MELK: variants seen among roughly 807,000 people sequenced by gnomAD.
MELK encodes the protein maternal embryonic leucine zipper kinase, also known as pEg3 kinase.
In MELK, 81 loss-of-function variants were observed where a neutral mutation model predicts 85.0. The ratio of observed to expected loss-of-function variants is 0.95; its 90% CI spans 0.80 to 1.15. The LOEUF is 1.15. MELK is among the 50% of genes most tolerant of loss of function. MELK has a pLI of 0.00. For missense variants in MELK, 754 were observed against 777.5 expected, an observed-to-expected ratio of 0.97 and a Z score of 0.36; for synonymous variants, 252 against 265.0, an observed-to-expected ratio of 0.95 and a Z score of 0.48.
At chr9:36,643,790 C>T (rs1829978604) in intron 11 of MELK, among the ~76,000 whole-genome samples, 3 of 151,892 alleles carry the variant, frequency 2.0e-5, no homozygotes, top group African/African-American at 4.8e-5. Context: ...AAAAATTAGC[C>T]GGGCGTTGTA....
intron 17 of MELK, among the ~76,000 whole-genome samples, chr9:36,675,274 ACT>A (rs372819852): frequency 1.5e-3 from 235 of 152,224 alleles, no homozygotes; most frequent in African/African-American, 5.4e-3. Context: ...ACAGAGCGAG[ACT>A]CTGTCTCAAA....
intron 8 of MELK, among the ~76,000 whole-genome samples, chr9:36,619,841 C>T (rs1362007160): frequency 6.6e-6 from 1 of 152,184 alleles, no homozygotes; most frequent in Non-Finnish European, 1.5e-5. Flanking sequence ...TTGTTTCCCC[C>T]CTCCAAATGG....
intron 12 of MELK, among the ~76,000 whole-genome samples, chr9:36,653,677 C>A (rs1830933789): frequency 6.6e-6 from 1 of 152,098 alleles, no homozygotes; most frequent in Admixed American, 6.6e-5. Flanking sequence ...TGTACCTCAT[C>A]CTCAGAGAAA....
At chr9:36,669,531 G>A in intron 15 of MELK, 125 bp downstream of exon 15, 1 of 656,030 alleles carries the variant, frequency 1.5e-6, no homozygotes, top group Non-Finnish European at 2.4e-6. Context: ...AGGAATATCT[G>A]TTTATGTGTG....
rs184350973 is a variant in MELK at position 36,664,619 on chromosome 9, C to T, written c.1177-731C>T. ...TTTTTCTCCTCCCTCAGAACCAAGA[C>T]CAAGACACCCTTTTTCTTGCCTATT... On this transcript the variant is annotated intron_variant, in intron 13 of 17. Coordinates refer to ENST00000298048, the MANE Select transcript of MELK (RefSeq NM_014791.4). Among the ~76,000 whole-genome samples the T allele has an allele frequency of 3.9e-5, 6 of 152,304 alleles. No individual in the cohort carries two copies. The East Asian group carries it at 1.2e-3, about 29-fold the overall frequency.
chr9:36,673,653 G>A (rs1291499487), intron 16 of MELK, among the ~76,000 whole-genome samples: 1 of 152,038 alleles, frequency 6.6e-6, no homozygotes, highest in Non-Finnish European at 1.5e-5. Context: ...GAACTCCTGA[G>A]CCCAAGTAAT....
At chr9:36,625,904 A>G (rs1327528823) in intron 8 of MELK, among the ~76,000 whole-genome samples, 1 of 152,070 alleles carries the variant, frequency 6.6e-6, no homozygotes, top group East Asian at 1.9e-4. Context: ...TCAAAAAAAA[A>G]AAGAAAAAAT....
intron 10 of MELK, among the ~76,000 whole-genome samples, chr9:36,638,766 AATCC>A (rs1024358977): frequency 2.1e-4 from 32 of 152,128 alleles, no homozygotes; most frequent in African/African-American, 7.5e-4. Flanking sequence ...TAACTCCTTT[AATCC>A]ATTTAATCTG....
intron 10 of MELK, among the ~76,000 whole-genome samples, chr9:36,641,563 A>G (rs143735674): frequency 7.2e-5 from 11 of 151,950 alleles, no homozygotes; most frequent in African/African-American, 2.7e-4. Flanking sequence ...CTTTAAGCAG[A>G]ACATAAAGCA....
Position 36,583,715 on chromosome 9 carries a change from A to G in MELK, c.144+3A>G. The G allele has an allele frequency of 6.3e-7, 1 of 1,592,920 alleles. No homozygotes were observed. Among genetic ancestry groups the G allele is most frequent in the Middle Eastern group, 1.7e-4 (1 of 5,992 alleles). On this transcript the variant is annotated splice_donor_region_variant and intron_variant, in intron 3 of 17. Transcript: ENST00000298048. ...TCATGGATAAAAACACACTAGGGGT[A>G]AGTTTAGATTTATTTAAAAAATAGT... is the stretch of plus-strand genomic sequence containing the variant.
intron 10 of MELK, among the ~76,000 whole-genome samples, chr9:36,638,578 C>T (rs1428297102): frequency 2.0e-5 from 3 of 152,130 alleles, no homozygotes. Context: ...AGCCACCATG[C>T]CCAGCCTCCC....
chr9:36,642,861 C>A, intron 10 of MELK, 136 bp from the exon 11 acceptor site: 1 of 640,686 alleles, frequency 1.6e-6, no homozygotes, highest in Non-Finnish European at 2.6e-6. Flanking sequence ...ATTGATTCTT[C>A]CCCAAGAAAT....
At chr9:36,653,734 C>CG (rs1231877374) in intron 12 of MELK, among the ~76,000 whole-genome samples, 6 of 151,984 alleles carry the variant, frequency 3.9e-5, no homozygotes, top group African/African-American at 1.5e-4. Context: ...ACACAATTGA[C>CG]TGTGTGGATG....
intron 12 of MELK, among the ~76,000 whole-genome samples, chr9:36,653,194 T>C (rs1255439400): frequency 2.6e-5 from 4 of 152,200 alleles, no homozygotes; most frequent in Non-Finnish European, 4.4e-5. Flanking sequence ...TTGTCCTGGC[T>C]GGAGTACAGT....
chr9:36,630,500 A>T lies in MELK; in HGVS notation c.735+133A>T, dbSNP rs553706294. 3 of 667,456 alleles carry T rather than the reference A, an allele frequency of 4.5e-6. No individual in the cohort carries two copies. The East Asian group carries it at 8.0e-5, about 18-fold the overall frequency. 41.3% of individuals were successfully genotyped at this position (667,456 alleles called of 1,614,324 possible). On this transcript the variant is annotated intron_variant, in intron 9 of 17. Transcript: ENST00000298048. ...CATATCTACCTTGAAAATATCCTCT[A>T]TTAGATCCTTTCTTAATTATGTTGT...
chr9:36,675,891 A>G (rs971781083), intron 17 of MELK, among the ~76,000 whole-genome samples: 1 of 152,230 alleles, frequency 6.6e-6, no homozygotes, highest in Non-Finnish European at 1.5e-5. Context: ...TGAAGAAACA[A>G]TCTTGTGCAG....
At chr9:36,606,277 T>C (rs926269989) in intron 7 of MELK, among the ~76,000 whole-genome samples, 10 of 148,862 alleles carry the variant, frequency 6.7e-5, no homozygotes, top group Non-Finnish European at 1.0e-4. Context: ...ATATAATATA[T>C]ACATATGTAT....
rs765970263 is a variant in MELK, at chr9:36,657,335, C to T, written c.1148C>T (p.Thr383Ile). The T allele has an allele frequency of 7.4e-6, 12 of 1,612,760 alleles. No individual in the cohort carries two copies. The East Asian group carries it at 1.8e-4, about 24-fold the overall frequency. The change falls in exon 13 of 18, where the codon ACA (threonine) becomes ATA (isoleucine). Residue 383 changes from threonine (T) to isoleucine (I), a missense_variant. Physicochemically the swap from Thr to Ile is moderately conservative, Grantham distance 89. Coordinates refer to ENST00000298048, the MANE Select transcript of MELK (RefSeq NM_014791.4). ...GATTGGTGTGAAGATGATTTATCAA[C>T]AGGTGCTGCTACTCCCCGAACATCA... ...DYDWCEDDLS[T>I]GAATPRTSQF...
intron 16 of MELK, among the ~76,000 whole-genome samples, chr9:36,673,546 A>T (rs1326122951): frequency 1.3e-5 from 2 of 152,134 alleles, no homozygotes; most frequent in African/African-American, 4.8e-5. Flanking sequence ...CTCCTGCCTC[A>T]GCTTCCTGAG....
Sources: allele counts gnomAD v4.1 joint callset (sites outside exome capture counted in the v4.1 genomes callset), GRCh38; gene constraint gnomAD v4.1.1; transcripts MANE v1.5; gene names NCBI Gene and HGNC (gene_info 2026-07-23, HGNC 2026-07-21).